The following ACTR2 variants were observed in gnomAD, a reference collection of about 807,000 sequenced individuals.
ACTR2 encodes the protein actin-related protein 2.
A neutral mutation model predicts 50.2 loss-of-function variants in ACTR2; 5 were observed. That is an observed-to-expected ratio of 0.10 (90% CI 0.05 to 0.21). The LOEUF (loss-of-function observed/expected upper bound fraction) is 0.21. ACTR2 is among the 10% of genes least tolerant of loss of function. The probability of loss-of-function intolerance (pLI) is 1.00; values close to 1 mark genes in which losing one functional copy is unlikely to be tolerated. For synonymous variants in ACTR2, 140 were observed against 162.9 expected, an observed-to-expected ratio of 0.86 and a Z score of 1.07; for missense variants, 180 against 480.6, an observed-to-expected ratio of 0.37 and a Z score of 5.85.
chr2:65,228,777 T>A (rs1004156444), intron 1 of ACTR2, among the ~76,000 whole-genome samples: 13 of 152,126 alleles, frequency 8.5e-5, no homozygotes, highest in Admixed American at 7.2e-4. Context: ...AATTGTAAAA[T>A]CTGACTAAAG....
At chr2:65,228,942 T>C (rs1671583700) in intron 1 of ACTR2, among the ~76,000 whole-genome samples, 1 of 152,008 alleles carries the variant, frequency 6.6e-6, no homozygotes. Context: ...TAGCCGGCCG[T>C]GGTGGTGCTT....
intron 1 of ACTR2, among the ~76,000 whole-genome samples, chr2:65,235,177 TGTGTGTGTGTGTGCACGTG>T (rs1026466712): frequency 1.3e-5 from 2 of 151,938 alleles, no homozygotes; most frequent in Non-Finnish European, 2.9e-5. Flanking sequence ...GAGGTGTGTG[TGTGTGTGTGTGTGCACGTG>T]GTGTGTGTGT....
intron 2 of ACTR2, among the ~76,000 whole-genome samples, chr2:65,242,994 G>A (rs539734910): frequency 5.4e-4 from 82 of 152,272 alleles, no homozygotes; most frequent in African/African-American, 1.8e-3. Context: ...AGAAAAGGGT[G>A]TGCTTGCTGG....
At chr2:65,257,026 A>G (rs1264391396) in intron 6 of ACTR2, among the ~76,000 whole-genome samples, 1 of 152,126 alleles carries the variant, frequency 6.6e-6, no homozygotes, top group African/African-American at 2.4e-5. Flanking sequence ...CACATGTGCC[A>G]TGGTGGTTTG....
At chr2:65,264,428 C>T (rs909477692) in intron 7 of ACTR2, among the ~76,000 whole-genome samples, 4 of 152,090 alleles carry the variant, frequency 2.6e-5, no homozygotes, top group African/African-American at 7.2e-5. Context: ...TTCCTCAGAC[C>T]CTCGCTCAGA....
chr2:65,242,693 A>G (rs764667910), intron 2 of ACTR2: 2 of 501,590 alleles, frequency 4.0e-6, no homozygotes, highest in African/African-American at 2.0e-5. Context: ...CAAACATTGT[A>G]CAGTGTGTTT....
At chr2:65,229,584 C>T (rs533677840) in intron 1 of ACTR2, among the ~76,000 whole-genome samples, 2 of 151,642 alleles carry the variant, frequency 1.3e-5, no homozygotes, top group South Asian at 4.2e-4. Flanking sequence ...AGTGAAACCC[C>T]GTCTCTACTA....
intron 6 of ACTR2, among the ~76,000 whole-genome samples, chr2:65,260,766 A>G (rs57434359): frequency 2.2e-3 from 282 of 126,534 alleles, no homozygotes; most frequent in Middle Eastern, 5.8e-3. Context: ...GTCTCGCTCT[A>G]TTGCCCCTGC....
intron 5 of ACTR2, 148 bp from the exon 6 acceptor site, chr2:65,255,397 A>C (rs1368179654): frequency 1.6e-6 from 1 of 614,992 alleles, no homozygotes; most frequent in East Asian, 2.8e-5. Flanking sequence ...ATGGCGGATA[A>C]AATCCTGCTT....
At chr2:65,249,846 G>T (rs184985943) in intron 3 of ACTR2, among the ~76,000 whole-genome samples, 1 of 152,170 alleles carries the variant, frequency 6.6e-6, no homozygotes, top group Non-Finnish European at 1.5e-5. Context: ...TTCAAGTAGG[G>T]ACTGGGCTCA....
In ACTR2 at chr2:65,270,924, A is replaced by G. The variant is rs1488187041; in HGVS notation, c.*2190A>G. On this transcript the variant is annotated 3_prime_UTR_variant, in exon 9 of 9. Coordinates refer to ENST00000260641, the MANE Select transcript of ACTR2 (RefSeq NM_005722.4). ...AGGAAAAAAAAAAAATTCTGTTTTA[A>G]AAAGCAATCTGATTCTTAGCTCTTG... The G allele has an allele frequency of 6.6e-6, 1 of 152,168 alleles. No homozygotes were observed. The highest frequency in any genetic ancestry group is 1.5e-5 in the Non-Finnish European group (1 of 68,030). 9.4% of individuals were successfully genotyped at this position (152,168 alleles called of 1,614,324 possible). A position where few individuals can be genotyped will look rare whatever the true frequency, so the allele number is the denominator to read the frequency against.
In ACTR2 at chr2:65,270,589, G is replaced by C. The variant is rs1672475648; in HGVS notation, c.*1855G>C. The C allele has an allele frequency of 6.6e-6, 1 of 152,416 alleles. No individual in the cohort carries two copies. Among genetic ancestry groups the C allele is most frequent in the South Asian group, 2.1e-4 (1 of 4,836 alleles). 9.4% of individuals were successfully genotyped at this position (152,416 alleles called of 1,614,324 possible). Reference sequence around the variant, plus strand: ...TACTGGCAGTTGGGTTCAGGGAAATGGGATTGACTTGGCCTTCAGGCTCCT... The same window carrying C: ...TACTGGCAGTTGGGTTCAGGGAAATCGGATTGACTTGGCCTTCAGGCTCCT... On this transcript the variant is annotated 3_prime_UTR_variant, in exon 9 of 9. Transcript: ENST00000260641.
At position 65,270,996 on chromosome 2, in the gene ACTR2, T is replaced by A. The variant is rs1672484090; in HGVS notation, c.*2262T>A. 6.6e-6 allele frequency: 1 copy of A among 152,180 alleles called. No homozygotes were observed. Among genetic ancestry groups the A allele is most frequent in the East Asian group, 1.9e-4 (1 of 5,196 alleles). The allele number at this position is 152,180 out of a possible 1,614,324, so 9.4% of individuals were successfully genotyped here. Reference sequence around the variant, plus strand: ...CCAATAATTAAAAATTTAAAATTTTTAAATTAGAATTGCCAATACTTCTAC... The same window carrying A: ...CCAATAATTAAAAATTTAAAATTTTAAAATTAGAATTGCCAATACTTCTAC... On this transcript the variant is annotated 3_prime_UTR_variant, in exon 9 of 9. Coordinates refer to ENST00000260641, the MANE Select transcript of ACTR2 (RefSeq NM_005722.4).
At chr2:65,252,324 A>G (rs1399373636) in intron 4 of ACTR2, among the ~76,000 whole-genome samples, 1 of 152,100 alleles carries the variant, frequency 6.6e-6, no homozygotes, top group African/African-American at 2.4e-5. Context: ...TATTGCATCA[A>G]GGAATTATAT....
At chr2:65,239,686 G>A (rs115667378) in intron 1 of ACTR2, among the ~76,000 whole-genome samples, 166 bp from the exon 2 acceptor site, 218 of 152,366 alleles carry the variant, frequency 1.4e-3, no homozygotes, top group Middle Eastern at 0.01. Flanking sequence ...CGTGAAAGAA[G>A]TTAAAAGGAG....
intron 1 of ACTR2, among the ~76,000 whole-genome samples, chr2:65,235,086 C>T (rs1168243559): frequency 6.6e-6 from 1 of 151,978 alleles, no homozygotes; most frequent in Non-Finnish European, 1.5e-5. Context: ...AGATTCTCTT[C>T]CATATCATTT....
chr2:65,260,748 G>A (rs1256000622), intron 6 of ACTR2, among the ~76,000 whole-genome samples: 3 of 54,128 alleles, frequency 5.5e-5, no homozygotes, highest in East Asian at 4.8e-4. Context: ...TTTTTTTTTT[G>A]AGATGGAGTC....
intron 2 of ACTR2, chr2:65,242,155 G>T: frequency 2.3e-6 from 2 of 885,400 alleles, no homozygotes; most frequent in Non-Finnish European, 1.8e-6. Context: ...TATTGGGGAG[G>T]GGGGGTTATT....
intron 4 of ACTR2, 22 bp downstream of exon 4, chr2:65,251,121 G>GA (rs777738525): frequency 6.6e-7 from 1 of 1,524,862 alleles, no homozygotes; most frequent in Non-Finnish European, 8.9e-7. Flanking sequence ...TTAACTGTTA[G>GA]AAAAAACACT....
Sources: allele counts gnomAD v4.1 joint callset (sites outside exome capture counted in the v4.1 genomes callset), GRCh38; gene constraint gnomAD v4.1.1; transcripts MANE v1.5; gene names NCBI Gene and HGNC (gene_info 2026-07-23, HGNC 2026-07-21).